IQSEC3: variants seen among roughly 807,000 people sequenced by gnomAD.
IQSEC3 encodes IQ motif and SEC7 domain-containing protein 3.
IQSEC3 carries 50 observed loss-of-function variants against 105.4 expected under a neutral mutation model. The ratio of observed to expected loss-of-function variants is 0.47; its 90% CI spans 0.38 to 0.60. IQSEC3 has a LOEUF of 0.60. IQSEC3 is among the 20% of genes least tolerant of loss of function. The probability of loss-of-function intolerance (pLI) is 0.00; values close to 1 mark genes in which losing one functional copy is unlikely to be tolerated. For missense variants in IQSEC3, 1,415 were observed against 1,630.0 expected (o/e 0.87, Z 2.27); for synonymous variants, 708 against 746.0 (o/e 0.95, Z 0.83).
chr12:91,744 G>A (rs1864092040), intron 1 of IQSEC3, among the ~76,000 whole-genome samples: 1 of 152,126 alleles, frequency 6.6e-6, no homozygotes, highest in Non-Finnish European at 1.5e-5. Context: ...TCGTGCCACT[G>A]CACTCCAGGC....
intron 5 of IQSEC3, among the ~76,000 whole-genome samples, chr12:156,153 T>C (rs912901726): frequency 6.6e-6 from 1 of 151,702 alleles, no homozygotes; most frequent in Non-Finnish European, 1.5e-5. Context: ...AACTGGCATG[T>C]GACCCCACAC....
At chr12:70,052 G>A (rs1863252180) in intron 1 of IQSEC3, among the ~76,000 whole-genome samples, 1 of 152,262 alleles carries the variant, frequency 6.6e-6, no homozygotes, top group East Asian at 1.9e-4. Flanking sequence ...ATGGCACAGT[G>A]GGTCTTCCAA....
chr12:153,811 C>G (rs1217213380), intron 5 of IQSEC3, among the ~76,000 whole-genome samples: 1 of 152,176 alleles, frequency 6.6e-6, no homozygotes, highest in Non-Finnish European at 1.5e-5. Flanking sequence ...AGTTGCTGGA[C>G]TCACTTTAAA....
At chr12:90,250 T>C (rs1864040414) in intron 1 of IQSEC3, among the ~76,000 whole-genome samples, 1 of 152,230 alleles carries the variant, frequency 6.6e-6, no homozygotes, top group African/African-American at 2.4e-5. Context: ...CTCTTGTACA[T>C]TTTCCTATCA....
In IQSEC3 at chr12:163,509, CA is replaced by C; in HGVS notation, c.2600del (p.His867ProfsTer13). On this transcript the variant is annotated frameshift_variant, in exon 9 of 14. Transcript: ENST00000538872. LOFTEE classifies it high-confidence loss of function. ...CCGCGTGCAGGTGCTGTCCGTGCCC[CA>C]CCGCCGCCTGGTGTGCTGCAGCCGG... ...VGMKTVLSVP[H>X]RRLVCCSRLF... 6.2e-7 allele frequency: 1 copy of C among 1,609,384 alleles called. No homozygotes were observed. Among genetic ancestry groups the C allele is most frequent in the Non-Finnish European group, 8.5e-7 (1 of 1,178,058 alleles).
intron 11 of IQSEC3, chr12:167,014 C>G (rs1056538468): frequency 6.6e-6 from 1 of 152,074 alleles, no homozygotes; most frequent in Non-Finnish European, 1.5e-5. Flanking sequence ...TTATTTTTTT[C>G]TAAGGAAACA....
At chr12:118,732 C>G (rs997694975) in intron 2 of IQSEC3, among the ~76,000 whole-genome samples, 57 of 152,240 alleles carry the variant, frequency 3.7e-4, no homozygotes, top group African/African-American at 1.3e-3. Context: ...GCTCCTCATT[C>G]CAGCCCCTCT....
Position 125,715 on chromosome 12 carries a change from G to T in IQSEC3, c.706G>T (p.Ala236Ser). ...GGCGGTGGCAGCCGGCAGACCCAGT[G>T]CCCATGCCCCGAAGGCTCAAGCCCA... ...AAAVAAGRPS[A>S]HAPKAQAQEL... is the part of the protein sequence containing the mutation. Residue 236 changes from alanine (A) to serine (S), a missense_variant, in exon 3 of 14, where the codon GCC becomes TCC. This residue lies in a region of IQSEC3 where 720 missense variants were observed against 633.0 expected (regional missense o/e 1.14). Transcript: ENST00000538872. 1 of 1,535,504 alleles carries T rather than the reference G, an allele frequency of 6.5e-7. No individual in the cohort carries two copies. The highest frequency in any genetic ancestry group is 8.7e-7 in the Non-Finnish European group (1 of 1,151,638).
chr12:126,507 C>T (rs1254853459), intron 3 of IQSEC3, among the ~76,000 whole-genome samples: 2 of 150,564 alleles, frequency 1.3e-5, no homozygotes, highest in African/African-American at 4.9e-5. Context: ...AAAGATAATG[C>T]CTCAGTTTGT....
chr12:156,627 A>T (rs1866696410), intron 5 of IQSEC3, among the ~76,000 whole-genome samples: 2 of 152,222 alleles, frequency 1.3e-5, no homozygotes, highest in South Asian at 4.1e-4. Flanking sequence ...AGTGAAATTT[A>T]AACCTGGGAG....
chr12:99,214 G>T lies in IQSEC3; in HGVS notation c.623G>T (p.Ser208Ile), dbSNP rs1555075497. ...GCCTGCTCCGACCTGGCCTCCCAAA[G>T]GTGGGAACTGTGGCCCTTCCTCCCT... ...ADACSDLASQ[S>I]DGSCTQAGGG... Residue 208 changes from serine to isoleucine, a missense_variant and splice_region_variant, in exon 2 of 14, where the codon AGT (serine) becomes ATT (isoleucine). This residue lies in a region of IQSEC3 where 720 missense variants were observed against 633.0 expected (regional missense o/e 1.14). Transcript: ENST00000538872. 6.3e-7 allele frequency: 1 copy of T among 1,598,224 alleles called. No individual in the cohort carries two copies. Among genetic ancestry groups the T allele is most frequent in the Admixed American group, 1.7e-5 (1 of 59,888 alleles).
rs781877531 is a variant in IQSEC3 at position 139,294 on chromosome 12, C to T, written c.1931C>T (p.Thr644Met). The T allele has an allele frequency of 1.1e-5, 18 of 1,604,678 alleles. No individual in the cohort carries two copies. Among genetic ancestry groups the T allele is most frequent in the South Asian group, 2.2e-5 (2 of 89,304 alleles). ...CENPASCKSP[T>M]LSTDTLRKRL... is the part of the protein sequence containing the mutation. ...AACCCAGCCAGCTGCAAGTCGCCCA[C>T]GCTCTCCACCGACACCCTGCGCAAG... The change falls in exon 4 of 14, where the codon ACG becomes ATG. Residue 644 changes from threonine to methionine, a missense_variant. This residue lies in a region of IQSEC3 where 213 missense variants were observed against 306.2 expected (regional missense o/e 0.70). Coordinates refer to ENST00000538872, the MANE Select transcript of IQSEC3 (RefSeq NM_001170738.2).
chr12:164,770 T>A lies in IQSEC3; in HGVS notation c.2710-664T>A, dbSNP rs1408641396. On this transcript the variant is annotated intron_variant, in intron 9 of 13. Transcript: ENST00000538872. ...CTCACAGAAGCTGCTGAATAGAAAT[T>A]TGTTTATTAAGCAACCAGATGACTT... 3 of 152,670 alleles carry A rather than the reference T, an allele frequency of 2.0e-5. No individual in the cohort carries two copies. In the East Asian group the frequency reaches 5.8e-4, roughly 29 times the overall value. 9.5% of individuals were successfully genotyped at this position (152,670 alleles called of 1,614,324 possible).
intron 1 of IQSEC3, among the ~76,000 whole-genome samples, chr12:81,144 T>G (rs781824599): frequency 3.3e-5 from 5 of 152,198 alleles, no homozygotes; most frequent in Non-Finnish European, 5.9e-5. Context: ...TGAGGAAGGT[T>G]GTTGTTCTGT....
In IQSEC3 at chr12:125,810, G is replaced by A. The variant is rs1555083179; in HGVS notation, c.801G>A (p.Lys267=). Residue 267 remains lysine, a synonymous_variant, in exon 3 of 14, where the codon AAG becomes AAA. Transcript: ENST00000538872. ...CCCCAAGGGCTGGCCCCCAGCACAAGGCCTCCCCCGGCCGGCAGCAGCCTG... is the reference window on the plus strand; with the variant it reads ...CCCCAAGGGCTGGCCCCCAGCACAAAGCCTCCCCCGGCCGGCAGCAGCCTG... ...AASPRAGPQH[K]ASPGRQQPAL... is the part of the protein sequence containing the mutation. The A allele has an allele frequency of 1.3e-6, 2 of 1,526,886 alleles. No homozygotes were observed. The highest frequency in any genetic ancestry group is 2.0e-5 in the Admixed American group (1 of 50,086). The allele number at this position is 1,526,886 out of a possible 1,614,324, so 94.6% of individuals were successfully genotyped here.
In IQSEC3 at chr12:138,005, C is replaced by T. The variant is rs1392581727; in HGVS notation, c.904-262C>T. Among the ~76,000 whole-genome samples the T allele has an allele frequency of 6.6e-6, 1 of 152,134 alleles. No homozygotes were observed. On this transcript the variant is annotated intron_variant, in intron 3 of 13. Coordinates refer to ENST00000538872, the MANE Select transcript of IQSEC3 (RefSeq NM_001170738.2). This position sits in a 1 kb window ranked among gnomAD's most constrained non-coding sequence, Gnocchi z 7.1. ...ACCCGCCACAGCATCGATATCTGAA[C>T]GCCATATGCAGCACCTCCCTCCTGG...
chr12:139,259 C>T lies in IQSEC3; in HGVS notation c.1896C>T (p.Tyr632=), dbSNP rs141974775. The T allele has an allele frequency of 2.5e-6, 4 of 1,610,296 alleles. No homozygotes were observed. Among genetic ancestry groups the T allele is most frequent in the Non-Finnish European group, 2.5e-6 (3 of 1,178,754 alleles). ...LQAMILSLPR[Y]HCENPASCKS... is the part of the protein sequence containing the mutation. ...CCATGATCCTGAGCCTGCCGCGCTA[C>T]CACTGCGAGAACCCAGCCAGCTGCA... Residue 632 remains tyrosine, a synonymous_variant, in exon 4 of 14, where the codon TAC becomes TAT. Coordinates refer to ENST00000538872, the MANE Select transcript of IQSEC3 (RefSeq NM_001170738.2).
chr12:92,069 A>G (rs1864104670), intron 1 of IQSEC3, among the ~76,000 whole-genome samples: 2 of 151,946 alleles, frequency 1.3e-5, no homozygotes, highest in African/African-American at 4.8e-5. Flanking sequence ...CCCACAGACT[A>G]CCTCATGTTT....
intron 3 of IQSEC3, among the ~76,000 whole-genome samples, chr12:126,174 G>C (rs868962478): frequency 6.6e-6 from 1 of 152,212 alleles, no homozygotes; most frequent in Non-Finnish European, 1.5e-5. Context: ...CTCACACAGT[G>C]CTCAGCAAGC....
Sources: allele counts gnomAD v4.1 joint callset (sites outside exome capture counted in the v4.1 genomes callset), GRCh38; gene constraint gnomAD v4.1.1; regional missense constraint gnomAD v4.1.1; non-coding constraint Gnocchi (gnomAD v3.1); transcripts MANE v1.5; gene names NCBI Gene and HGNC (gene_info 2026-07-23, HGNC 2026-07-21).